LEMD1: variants seen among roughly 807,000 people sequenced by gnomAD.
LEMD1 encodes the protein LEM domain-containing protein 1.
A neutral mutation model predicts 17.4 loss-of-function variants in LEMD1; 18 were observed. The observed-to-expected ratio is 1.04, with a 90% CI of 0.72 to 1.54. The LOEUF (loss-of-function observed/expected upper bound fraction) is 1.54. LEMD1 is among the 40% of genes most tolerant of loss of function. The probability of loss-of-function intolerance (pLI) is 0.00; values close to 1 mark genes in which losing one functional copy is unlikely to be tolerated. For synonymous variants in LEMD1, 88 were observed against 77.8 expected (o/e 1.13, Z -0.69); for missense variants, 195 against 210.4 (o/e 0.93, Z 0.45).
At chr1:205,427,406 C>T (rs1008889308) in intron 1 of LEMD1, among the ~76,000 whole-genome samples, 3 of 151,734 alleles carry the variant, frequency 2.0e-5, no homozygotes, top group African/African-American at 7.3e-5. Flanking sequence ...CACCCCTTTA[C>T]CTGGAAACTC....
chr1:205,446,417 C>G (rs946032978), intron 1 of LEMD1, among the ~76,000 whole-genome samples: 8 of 152,354 alleles, frequency 5.3e-5, no homozygotes, highest in South Asian at 2.1e-4. Context: ...CTTCATTCAA[C>G]AAACATTTAC....
At chr1:205,432,617 A>C (rs1575004169) in intron 1 of LEMD1, among the ~76,000 whole-genome samples, 1 of 152,236 alleles carries the variant, frequency 6.6e-6, no homozygotes, top group Admixed American at 6.5e-5. Context: ...TTCCTATCAT[A>C]CCTGCCAGCA....
At chr1:205,390,345 AC>A (rs1664274903) in intron 4 of LEMD1, among the ~76,000 whole-genome samples, 1 of 150,122 alleles carries the variant, frequency 6.7e-6, no homozygotes, top group Non-Finnish European at 1.5e-5. Context: ...ACAGAGCTAC[AC>A]TCTCTCTCTA....
At chr1:205,390,966 A>G (rs954356770) in intron 4 of LEMD1, among the ~76,000 whole-genome samples, 1 of 152,108 alleles carries the variant, frequency 6.6e-6, no homozygotes, top group Non-Finnish European at 1.5e-5. Context: ...TATGTTTACT[A>G]CCTGGGCGAT....
intron 3 of LEMD1, among the ~76,000 whole-genome samples, chr1:205,418,177 A>G (rs1247166217): frequency 6.6e-6 from 1 of 152,170 alleles, no homozygotes; most frequent in Non-Finnish European, 1.5e-5. Flanking sequence ...AAATGGGATG[A>G]TGAGCATTCG....
chr1:205,438,897 G>A (rs995384008), intron 1 of LEMD1, among the ~76,000 whole-genome samples: 4 of 152,160 alleles, frequency 2.6e-5, no homozygotes, highest in African/African-American at 4.8e-5. Context: ...CCTGAGAGGC[G>A]CACAAGGGGA....
intron 4 of LEMD1, among the ~76,000 whole-genome samples, chr1:205,409,503 C>T (rs555116560): frequency 2.0e-5 from 3 of 152,248 alleles, no homozygotes; most frequent in South Asian, 4.2e-4. Flanking sequence ...CTGTTCTTAA[C>T]CTTATTTATA....
intron 1 of LEMD1, among the ~76,000 whole-genome samples, chr1:205,439,602 CCTAT>C (rs1666260187): frequency 6.6e-6 from 1 of 152,194 alleles, no homozygotes; most frequent in South Asian, 2.1e-4. Context: ...CCCTGACTCT[CCTAT>C]CTTGGGGCCT....
intron 1 of LEMD1, among the ~76,000 whole-genome samples, chr1:205,446,935 TC>T (rs1205844379): frequency 6.6e-6 from 1 of 151,618 alleles, no homozygotes; most frequent in Non-Finnish European, 1.5e-5. Context: ...ATCCCCCCGC[TC>T]CCCCCGACCT....
At chr1:205,385,595 C>G (rs1663964270) in intron 4 of LEMD1, 1 of 152,292 alleles carries the variant, frequency 6.6e-6, no homozygotes, top group Non-Finnish European at 1.5e-5. Context: ...AAGGGCCTGC[C>G]AAACCGTCCC....
In LEMD1 at chr1:205,436,982, G is replaced by A. The variant is rs531214795; in HGVS notation, c.-39+12886C>T. On this transcript the variant is annotated intron_variant, in intron 1 of 3. Transcript: ENST00000367154. ...TGTTATGGAGGAGGCTGGGAGAGAG[G>A]AGGCAATTTGCCAAGGTCAGGAGTC... 299 of 152,598 alleles carry A rather than the reference G, an allele frequency of 2.0e-3. 3 individuals are homozygous for A. Among genetic ancestry groups the A allele is most frequent in the Non-Finnish European group, 4.0e-4 (27 of 68,118 alleles). The allele number at this position is 152,598 out of a possible 1,614,324, so 9.5% of individuals were successfully genotyped here.
In LEMD1 at chr1:205,416,239, A is replaced by C; in HGVS notation, c.263T>G (p.Leu88Arg). 1.3e-6 allele frequency: 2 copies of C among 1,539,478 alleles called. No homozygotes were observed. The highest frequency in any genetic ancestry group is 2.7e-5 in the African/African-American group (2 of 72,748). ...IILSTEKSKK[L>R]KKWPEASTTK... ...CATTAGAATGGTACATACTTTTTTGAGTTTCTTGCTTTTTTCTGTTGAGAG... is the reference window on the plus strand; with the variant it reads ...CATTAGAATGGTACATACTTTTTTGCGTTTCTTGCTTTTTTCTGTTGAGAG... Residue 88 changes from leucine (L) to arginine (R), a missense_variant, in exon 4 of 6, where the codon CTC (leucine) becomes CGC (arginine). By Grantham distance (102) the Leu-to-Arg change is moderately radical. Coordinates refer to ENST00000367153, the MANE Select transcript of LEMD1 (RefSeq NM_001199050.2).
At position 205,402,317 on chromosome 1, in the gene LEMD1, G is replaced by A. The variant is rs1432326546; in HGVS notation, c.270+13915C>T. On this transcript the variant is annotated intron_variant, in intron 4 of 5. Coordinates refer to ENST00000367153, the MANE Select transcript of LEMD1 (RefSeq NM_001199050.2). ...GCAGTATGGCCATTTTCACGATATTGATTCTTCCTACCCATGAGCATGGAA... is the reference window on the plus strand; with the variant it reads ...GCAGTATGGCCATTTTCACGATATTAATTCTTCCTACCCATGAGCATGGAA... Among the ~76,000 whole-genome samples the A allele has an allele frequency of 5.3e-5, 8 of 152,146 alleles. No homozygotes were observed. In the East Asian group the frequency reaches 9.6e-4, roughly 18 times the overall value.
intron 1 of LEMD1, among the ~76,000 whole-genome samples, chr1:205,427,944 C>T (rs1046077241): frequency 6.6e-6 from 1 of 152,090 alleles, no homozygotes; most frequent in Non-Finnish European, 1.5e-5. Context: ...TATAACGGTT[C>T]CTGGTACTAA....
intron 4 of LEMD1, among the ~76,000 whole-genome samples, chr1:205,387,650 A>C (rs1664098801): frequency 1.3e-5 from 2 of 152,236 alleles, no homozygotes; most frequent in South Asian, 4.1e-4. Context: ...TAGAATCTGC[A>C]AAGATGGCTG....
intron 1 of LEMD1, among the ~76,000 whole-genome samples, chr1:205,439,340 G>T (rs563612299): frequency 1.2e-4 from 18 of 152,328 alleles, no homozygotes; most frequent in African/African-American, 4.3e-4. Context: ...CTAGGAGGTA[G>T]GGGCAAAGGA....
chr1:205,416,476 G>A (rs924496047), intron 3 of LEMD1, among the ~76,000 whole-genome samples, 180 bp from the exon 4 acceptor site: 1 of 152,186 alleles, frequency 6.6e-6, no homozygotes, highest in African/African-American at 2.4e-5. Flanking sequence ...CAGCCTTTGT[G>A]AAACAGACTT....
In LEMD1 at chr1:205,407,538, G is replaced by A. The variant is rs904044088; in HGVS notation, c.270+8694C>T. Among the ~76,000 whole-genome samples, 7 of 152,102 alleles carry A rather than the reference G, an allele frequency of 4.6e-5. No individual in the cohort carries two copies. In the South Asian group the frequency reaches 6.2e-4, roughly 14 times the overall value. On this transcript the variant is annotated intron_variant, in intron 4 of 5. Transcript: ENST00000367153. Reference sequence around the variant, plus strand: ...CGCATTAAGGTACTTAGAGGGCAGCGCGCCCAGAGAAAGCATGGAAACTCT... The same window carrying A: ...CGCATTAAGGTACTTAGAGGGCAGCACGCCCAGAGAAAGCATGGAAACTCT...
At chr1:205,391,946 GAAAAA>G (rs60047814) in intron 4 of LEMD1, among the ~76,000 whole-genome samples, 1,318 of 110,012 alleles carry the variant, frequency 0.012, 18 homozygotes, top group African/African-American at 0.036. Flanking sequence ...CGTCTCTACC[GAAAAA>G]AAAAAAAAAA....
Sources: gnomAD v4.1 joint callset for allele counts (sites outside exome capture counted in the v4.1 genomes callset) on GRCh38, gnomAD v4.1.1 for gene constraint, MANE v1.5 for transcripts, NCBI Gene and HGNC (gene_info 2026-07-23, HGNC 2026-07-21) for gene names.